The following PPFIBP1 variants were observed in gnomAD, a reference collection of about 807,000 sequenced individuals.
The protein encoded by PPFIBP1 is PPFIB scaffold protein 1.
PPFIBP1 carries 112 observed loss-of-function variants against 137.8 expected under a neutral mutation model. The ratio of observed to expected loss-of-function variants is 0.81; its 90% CI spans 0.70 to 0.95. The LOEUF (loss-of-function observed/expected upper bound fraction) is 0.95, where lower values mean the gene tolerates loss of function less well. Ranked by LOEUF, PPFIBP1 falls within the 40% of genes least tolerant of loss-of-function variation. PPFIBP1 has a pLI of 0.00. For synonymous variants in PPFIBP1, 378 were observed against 417.3 expected (o/e 0.91, Z 1.15); for missense variants, 1,083 against 1,196.6 (o/e 0.91, Z 1.40).
intron 2 of PPFIBP1, among the ~76,000 whole-genome samples, chr12:27,615,574 A>T (rs758080227): frequency 6.6e-6 from 1 of 152,236 alleles, no homozygotes; most frequent in Non-Finnish European, 1.5e-5. Context: ...TAAGGTAATG[A>T]TTCATCTAGT....
chr12:27,581,984 A>ATG (rs61548314), intron 2 of PPFIBP1, among the ~76,000 whole-genome samples: 19 of 150,852 alleles, frequency 1.3e-4, no homozygotes, highest in African/African-American at 3.2e-4. Context: ...GTGTGTACGT[A>ATG]TGTGTGTGTG....
intron 1 of PPFIBP1, among the ~76,000 whole-genome samples, chr12:27,543,733 C>T (rs920188969): frequency 2.0e-5 from 3 of 152,066 alleles, no homozygotes; most frequent in East Asian, 3.8e-4. Context: ...TTGAGCATAC[C>T]GTTGGCTAAA....
intron 1 of PPFIBP1, among the ~76,000 whole-genome samples, chr12:27,566,346 G>A (rs2049667356): frequency 6.6e-6 from 1 of 150,794 alleles, no homozygotes; most frequent in Non-Finnish European, 1.5e-5. Context: ...TTAGCTCTGT[G>A]ATTGTATTCC....
At chr12:27,619,803 T>TTTCACTCTCTAATTTCACTCA (rs2056151433) in intron 2 of PPFIBP1, among the ~76,000 whole-genome samples, 1 of 152,196 alleles carries the variant, frequency 6.6e-6, no homozygotes, top group Admixed American at 6.5e-5. Flanking sequence ...GCAGTAAAGA[T>TTTCACTCTCTAATTTCACTCA]CTGTGCATTT....
intron 2 of PPFIBP1, among the ~76,000 whole-genome samples, chr12:27,596,932 C>T (rs1236588861): frequency 1.3e-5 from 2 of 152,166 alleles, no homozygotes; most frequent in Non-Finnish European, 2.9e-5. Context: ...GAGCCCATAT[C>T]CTAACCTCTA....
At chr12:27,600,514 C>T (rs753005161) in intron 2 of PPFIBP1, among the ~76,000 whole-genome samples, 5 of 151,692 alleles carry the variant, frequency 3.3e-5, no homozygotes, top group Non-Finnish European at 7.4e-5. Flanking sequence ...ACTTAAATCT[C>T]AGTTTGGTCA....
intron 4 of PPFIBP1, chr12:27,636,253 A>ACACTTGAT (rs2057662362): frequency 1.7e-5 from 1 of 57,254 alleles, no homozygotes; most frequent in Admixed American, 2.1e-4. Context: ...GCAGCTACAC[A>ACACTTGAT]AACTGGAGTT....
chr12:27,567,019 A>T (rs10842935), intron 1 of PPFIBP1, among the ~76,000 whole-genome samples: 47,923 of 152,098 alleles, frequency 0.32, 8,029 homozygotes, highest in Middle Eastern at 0.46. Context: ...CATATTACTC[A>T]GTGTTAGCAG....
At chr12:27,679,866 A>G in intron 20 of PPFIBP1, 67 bp from the exon 21 acceptor site, 2 of 1,582,100 alleles carry the variant, frequency 1.3e-6, no homozygotes, top group South Asian at 2.3e-5. Context: ...CTAGTTAAAA[A>G]TGTTCTGATT....
chr12:27,692,485 A>G (rs984456265), intron 28 of PPFIBP1, 106 bp from the exon 29 acceptor site: 8 of 1,006,536 alleles, frequency 7.9e-6, no homozygotes, highest in Admixed American at 7.0e-5. Context: ...CTCTTACCCC[A>G]TTCAGTGCTA....
intron 26 of PPFIBP1, 97 bp downstream of exon 26, chr12:27,688,520 A>G (rs2061329244): frequency 2.1e-6 from 3 of 1,433,222 alleles, no homozygotes; most frequent in Non-Finnish European, 2.9e-6. Flanking sequence ...TCCTAAAGTC[A>G]TCTGACTCAA....
In PPFIBP1 at chr12:27,634,978, A is replaced by G; in HGVS notation, c.133A>G (p.Ser45Gly). ...CQSPTSPFMG[S>G]LRALHLVEDL... ...ATCTCCCACCTCTCCATTCATGGGA[A>G]GTTTGCGAGCTCTGCACCTTGTGGA... The change falls in exon 4 of 30, where the codon AGT (serine) becomes GGT (glycine). Residue 45 changes from serine to glycine, a missense_variant. Ser to Gly is a moderately conservative substitution (Grantham distance 56). Coordinates refer to ENST00000228425, the MANE Select transcript of PPFIBP1 (RefSeq NM_003622.4). The G allele has an allele frequency of 6.2e-7, 1 of 1,614,128 alleles. No homozygotes were observed. The highest frequency in any genetic ancestry group is 2.2e-5 in the East Asian group (1 of 44,880).
chr12:27,575,701 A>G (rs1231383329), intron 1 of PPFIBP1, among the ~76,000 whole-genome samples: 1 of 152,136 alleles, frequency 6.6e-6, no homozygotes. Flanking sequence ...TATGCTTGTC[A>G]TTTCACTAAG....
intron 24 of PPFIBP1, among the ~76,000 whole-genome samples, chr12:27,684,738 C>T (rs960843289): frequency 1.4e-4 from 17 of 117,476 alleles, no homozygotes; most frequent in Non-Finnish European, 3.1e-4. Flanking sequence ...GTTAATATTA[C>T]TAATATTATT....
rs142052062 is a variant in PPFIBP1, at chr12:27,563,678, G to A, written c.-123-14474G>A. ...GAAATAATGATAAAGCCTCAAGTTC[G>A]CCCATCATGGATCCTGGTGGCACTA... On this transcript the variant is annotated intron_variant, in intron 1 of 29. Coordinates refer to ENST00000228425, the MANE Select transcript of PPFIBP1 (RefSeq NM_003622.4). 5.0e-4 allele frequency among the ~76,000 whole-genome samples: 76 copies of A among 152,092 alleles called. 1 individual carries two copies. In the South Asian group the frequency reaches 0.012, roughly 25 times the overall value.
At chr12:27,551,737 C>G (rs1946801612) in intron 1 of PPFIBP1, among the ~76,000 whole-genome samples, 1 of 152,208 alleles carries the variant, frequency 6.6e-6, no homozygotes, top group Non-Finnish European at 1.5e-5. Flanking sequence ...CGTCTTAATT[C>G]TTTTTACAGA....
At chr12:27,562,898 T>A (rs571685533) in intron 1 of PPFIBP1, among the ~76,000 whole-genome samples, 4 of 152,268 alleles carry the variant, frequency 2.6e-5, no homozygotes, top group African/African-American at 9.6e-5. Context: ...GAAAAATAAC[T>A]GCCAGGCAGA....
intron 2 of PPFIBP1, chr12:27,584,540 T>A (rs946448226): frequency 6.6e-6 from 1 of 152,198 alleles, no homozygotes; most frequent in Non-Finnish European, 1.5e-5. Flanking sequence ...GGTGGGCCAA[T>A]TCACATGTGT....
At chr12:27,549,124 T>A (rs538821265) in intron 1 of PPFIBP1, 1 of 152,092 alleles carries the variant, frequency 6.6e-6, no homozygotes, top group East Asian at 1.9e-4. Flanking sequence ...ACTAAAAAGC[T>A]CTCAAGAAGT....
Sources: allele counts gnomAD v4.1 joint callset (sites outside exome capture counted in the v4.1 genomes callset), GRCh38; gene constraint gnomAD v4.1.1; transcripts MANE v1.5; gene names NCBI Gene and HGNC (gene_info 2026-07-23, HGNC 2026-07-21).